The following CSMD1 variants were observed in gnomAD, a reference collection of about 807,000 sequenced individuals.
The protein encoded by CSMD1 is CUB and sushi domain-containing protein 1.
A neutral mutation model predicts 417.5 loss-of-function variants in CSMD1; 213 were observed. The observed-to-expected ratio is 0.51, with a 90% CI of 0.46 to 0.57. The LOEUF is 0.57. Ranked by LOEUF, CSMD1 falls within the 20% of genes least tolerant of loss-of-function variation. The pLI, the probability that CSMD1 is intolerant of heterozygous loss-of-function variation, is 0.00. For missense variants in CSMD1, 6,923 were observed against 4,529.7 expected (o/e 1.53, Z -15.17); for synonymous variants, 2,862 against 1,736.8 (o/e 1.65, Z -16.11).
chr8:4,061,057 C>T (rs1043518214), intron 3 of CSMD1, among the ~76,000 whole-genome samples: 1 of 48,022 alleles, frequency 2.1e-5, no homozygotes, highest in African/African-American at 4.4e-5. Flanking sequence ...GTACAAAATG[C>T]CATCTACATT....
At chr8:4,478,896 A>C (rs757792165) in intron 2 of CSMD1, among the ~76,000 whole-genome samples, 3 of 152,176 alleles carry the variant, frequency 2.0e-5, no homozygotes, top group Non-Finnish European at 2.9e-5. Flanking sequence ...GACAAATGGA[A>C]ATTTAATTTA....
At chr8:3,571,420 C>A (rs369239652) in intron 10 of CSMD1, among the ~76,000 whole-genome samples, 5 of 152,146 alleles carry the variant, frequency 3.3e-5, no homozygotes, top group African/African-American at 7.2e-5. Flanking sequence ...TTGTTCTGAA[C>A]TGGAAAGATT....
chr8:4,937,596 C>G (rs1807707154), intron 1 of CSMD1, among the ~76,000 whole-genome samples: 1 of 152,114 alleles, frequency 6.6e-6, no homozygotes. Flanking sequence ...GGAAAAGTCC[C>G]CTAAATACCT....
intron 6 of CSMD1, among the ~76,000 whole-genome samples, chr8:3,725,004 A>C (rs942558356): frequency 1.1e-4 from 17 of 152,206 alleles, no homozygotes; most frequent in Admixed American, 9.8e-4. Context: ...TATTTTATAC[A>C]GCTATAAACG....
intron 3 of CSMD1, among the ~76,000 whole-genome samples, chr8:4,355,320 C>G (rs987403816): frequency 2.3e-5 from 3 of 131,622 alleles, no homozygotes; most frequent in Non-Finnish European, 3.5e-5. Context: ...CACACACACA[C>G]ACACGCACAC....
chr8:4,085,441 A>G (rs559118459), intron 3 of CSMD1, among the ~76,000 whole-genome samples: 10 of 152,358 alleles, frequency 6.6e-5, no homozygotes, highest in East Asian at 1.9e-4. Context: ...TTAGAAAATG[A>G]GTTTTAATTG....
intron 20 of CSMD1, among the ~76,000 whole-genome samples, chr8:3,363,025 C>T (rs1462885096): frequency 1.3e-5 from 2 of 152,210 alleles, no homozygotes; most frequent in Non-Finnish European, 2.9e-5. Context: ...GTTATCTGCC[C>T]TCCATAACTA....
intron 5 of CSMD1, among the ~76,000 whole-genome samples, chr8:3,905,664 A>T (rs1453081001): frequency 6.6e-6 from 1 of 152,204 alleles, no homozygotes; most frequent in African/African-American, 2.4e-5. Context: ...TCATACTGCC[A>T]GTCCAGGAAC....
chr8:3,911,615 C>A (rs138006173), intron 5 of CSMD1, among the ~76,000 whole-genome samples: 1 of 151,826 alleles, frequency 6.6e-6, no homozygotes, highest in African/African-American at 2.4e-5. Context: ...CTCTGCCATC[C>A]AATTCGATTA....
At chr8:3,600,178 C>G (rs922768895) in intron 8 of CSMD1, among the ~76,000 whole-genome samples, 5 of 152,202 alleles carry the variant, frequency 3.3e-5, no homozygotes, top group African/African-American at 9.7e-5. Flanking sequence ...AACTGACAAA[C>G]CATTGCTTCC....
intron 62 of CSMD1, among the ~76,000 whole-genome samples, chr8:2,958,583 G>A (rs1563180676): frequency 6.6e-6 from 1 of 152,164 alleles, no homozygotes; most frequent in Non-Finnish European, 1.5e-5. Context: ...TGTGTTGAGG[G>A]GCACCAAAGA....
intron 1 of CSMD1, among the ~76,000 whole-genome samples, chr8:4,725,263 G>A (rs1809350903): frequency 6.6e-6 from 1 of 152,028 alleles, no homozygotes; most frequent in South Asian, 2.1e-4. Context: ...GAACTTCATT[G>A]GTACATGAAT....
chr8:3,451,241 A>C (rs1464884272), intron 12 of CSMD1, among the ~76,000 whole-genome samples: 1 of 152,202 alleles, frequency 6.6e-6, no homozygotes, highest in East Asian at 1.9e-4. Context: ...GTACATTGCA[A>C]AACATTTCTG....
chr8:4,928,046 G>C (rs1429900590), intron 1 of CSMD1, among the ~76,000 whole-genome samples: 3 of 152,212 alleles, frequency 2.0e-5, no homozygotes, highest in African/African-American at 4.8e-5. Context: ...CCTGATACAG[G>C]ATGCTCACCA....
chr8:4,954,709 A>G (rs1365404280), intron 1 of CSMD1, among the ~76,000 whole-genome samples: 1 of 152,202 alleles, frequency 6.6e-6, no homozygotes, highest in East Asian at 1.9e-4. Context: ...TAAACTACAT[A>G]AGCACCATGG....
chr8:3,882,048 A>C (rs1411190564), intron 5 of CSMD1, among the ~76,000 whole-genome samples: 1 of 152,216 alleles, frequency 6.6e-6, no homozygotes, highest in African/African-American at 2.4e-5. Context: ...TATTAACAAT[A>C]AAAGAAAAAA....
Position 3,534,014 on chromosome 8 carries a change from A to AAGAAG in CSMD1, c.1345-40293_1345-40289dup, listed in dbSNP as rs1412201660. 2.0e-5 allele frequency among the ~76,000 whole-genome samples: 3 copies of AAGAAG among 152,126 alleles called. No individual in the cohort carries two copies. In the East Asian group the frequency reaches 5.8e-4, roughly 29 times the overall value. On this transcript the variant is annotated intron_variant, in intron 10 of 69. Coordinates refer to ENST00000635120, the MANE Select transcript of CSMD1 (RefSeq NM_033225.6). ...TTATATTTTAAATCTACTTTTGCGGAAGAAGAATATTCTATGAATAAAAGT... is the reference window on the plus strand; with the variant it reads ...TTATATTTTAAATCTACTTTTGCGGAAGAAGAGAAGAATATTCTATGAATAAAAGT...
chr8:4,749,614 G>A (rs895170745), intron 1 of CSMD1, among the ~76,000 whole-genome samples: 2 of 152,040 alleles, frequency 1.3e-5, no homozygotes, highest in African/African-American at 4.8e-5. Flanking sequence ...ATCTGTTCTT[G>A]GAATGTACCA....
At chr8:4,446,324 G>C (rs1417198865) in intron 2 of CSMD1, among the ~76,000 whole-genome samples, 3 of 152,160 alleles carry the variant, frequency 2.0e-5, no homozygotes, top group Non-Finnish European at 4.4e-5. Flanking sequence ...AGCATGGGTG[G>C]ATCGCTTGAG....
Sources: gnomAD v4.1 joint callset for allele counts (sites outside exome capture counted in the v4.1 genomes callset) on GRCh38, gnomAD v4.1.1 for gene constraint, MANE v1.5 for transcripts, NCBI Gene and HGNC (gene_info 2026-07-23, HGNC 2026-07-21) for gene names.